Variants in ZFHX3 observed in about 807,000 individuals in gnomAD.
ZFHX3 encodes the protein zinc finger homeobox protein 3.
In ZFHX3, 42 loss-of-function variants were observed where a neutral mutation model predicts 279.1. That is an observed-to-expected ratio of 0.15 (90% CI 0.12 to 0.19). ZFHX3 has a LOEUF of 0.19. ZFHX3 is among the 10% of genes least tolerant of loss of function. ZFHX3 has a pLI of 1.00. For missense variants in ZFHX3, 4,981 were observed against 4,754.0 expected, an observed-to-expected ratio of 1.05 and a Z score of -1.40; for synonymous variants, 2,293 against 1,957.8, an observed-to-expected ratio of 1.17 and a Z score of -4.52.
intron 7 of ZFHX3, among the ~76,000 whole-genome samples, chr16:73,111,181 T>A (rs1301990883): frequency 6.6e-6 from 1 of 152,212 alleles, no homozygotes; most frequent in East Asian, 1.9e-4. Context: ...CCTCAAGTGA[T>A]CTGTCTGCCT....
intron 3 of ZFHX3, among the ~76,000 whole-genome samples, chr16:72,916,418 G>A (rs1808938085): frequency 6.6e-6 from 1 of 152,206 alleles, no homozygotes; most frequent in South Asian, 2.1e-4. Flanking sequence ...GAAAATGCCT[G>A]CAGTAAAATA....
intron 3 of ZFHX3, among the ~76,000 whole-genome samples, chr16:73,337,177 T>A (rs544921481): frequency 1.3e-5 from 2 of 152,220 alleles, no homozygotes; most frequent in Admixed American, 6.5e-5. Flanking sequence ...CCCAGATGCT[T>A]ATCCTTCATG....
At chr16:73,400,576 T>C (rs1447430987) in intron 3 of ZFHX3, 1 of 152,120 alleles carries the variant, frequency 6.6e-6, no homozygotes, top group African/African-American at 2.4e-5. Context: ...TCTATAATAA[T>C]GTGATTCCAA....
intron 6 of ZFHX3, among the ~76,000 whole-genome samples, chr16:73,135,649 C>T (rs114007067): frequency 0.016 from 2,440 of 151,092 alleles, 77 homozygotes; most frequent in African/African-American, 0.055. Context: ...TGCGGATGTT[C>T]GAATCAAATT....
intron 5 of ZFHX3, among the ~76,000 whole-genome samples, chr16:73,189,285 C>T (rs764730044): frequency 4.6e-5 from 7 of 152,174 alleles, no homozygotes; most frequent in Admixed American, 1.3e-4. Flanking sequence ...AAACCCTTTC[C>T]GGGCATGCCA....
chr16:73,727,639 C>G (rs1365961085), intron 1 of ZFHX3, among the ~76,000 whole-genome samples: 3 of 152,142 alleles, frequency 2.0e-5, no homozygotes, highest in African/African-American at 7.2e-5. Flanking sequence ...TCTTCTGATC[C>G]CATCCCATCC....
intron 1 of ZFHX3, among the ~76,000 whole-genome samples, chr16:73,709,425 A>C (rs1324989351): frequency 6.6e-6 from 1 of 152,176 alleles, no homozygotes; most frequent in African/African-American, 2.4e-5. Flanking sequence ...TGGTCTATAT[A>C]GACGACAGAA....
intron 3 of ZFHX3, among the ~76,000 whole-genome samples, chr16:73,407,971 C>T (rs928464718): frequency 3.9e-5 from 6 of 152,062 alleles, no homozygotes; most frequent in Non-Finnish European, 8.8e-5. Flanking sequence ...GGAAGTGCAT[C>T]CACCTTCTCT....
chr16:72,951,166 G>A (rs777606918), intron 2 of ZFHX3, among the ~76,000 whole-genome samples: 12 of 152,126 alleles, frequency 7.9e-5, no homozygotes, highest in Non-Finnish European at 1.3e-4. Context: ...TCTTTCCTGC[G>A]GACATTCTGA....
At chr16:73,056,074 C>T (rs952383916) in intron 1 of ZFHX3, among the ~76,000 whole-genome samples, 1 of 152,200 alleles carries the variant, frequency 6.6e-6, no homozygotes, top group African/African-American at 2.4e-5. Flanking sequence ...GGGAGACACA[C>T]AGACAGAGGA....
chr16:73,860,984 AT>A (rs34828290), intron 1 of ZFHX3, among the ~76,000 whole-genome samples: 2,218 of 140,406 alleles, frequency 0.016, 12 homozygotes, highest in African/African-American at 0.024. Flanking sequence ...TTTTTTGCAG[AT>A]TTTTTTTTTT....
chr16:73,779,807 T>A (rs917116899), intron 1 of ZFHX3, among the ~76,000 whole-genome samples: 15 of 152,124 alleles, frequency 9.9e-5, no homozygotes, highest in African/African-American at 3.6e-4. Context: ...AACCTCCAAC[T>A]CCCAGGATTT....
intron 3 of ZFHX3, among the ~76,000 whole-genome samples, chr16:73,407,104 G>C (rs1394838393): frequency 6.6e-6 from 1 of 152,138 alleles, no homozygotes; most frequent in African/African-American, 2.4e-5. Context: ...GTTACAACTT[G>C]GGAGTGCTAG....
At chr16:73,342,235 G>C (rs2143261353) in intron 3 of ZFHX3, among the ~76,000 whole-genome samples, 2 of 152,282 alleles carry the variant, frequency 1.3e-5, no homozygotes, top group East Asian at 3.9e-4. Context: ...CGGTACAATA[G>C]TTAAGGATGG....
chr16:73,788,084 T>C (rs1959708653), intron 1 of ZFHX3, among the ~76,000 whole-genome samples: 2 of 152,034 alleles, frequency 1.3e-5, no homozygotes, highest in Non-Finnish European at 2.9e-5. Context: ...TCACCACCGC[T>C]AGATCTGAAG....
At chr16:73,616,828 C>T (rs1174918354) in intron 2 of ZFHX3, among the ~76,000 whole-genome samples, 1 of 152,142 alleles carries the variant, frequency 6.6e-6, no homozygotes, top group African/African-American at 2.4e-5. Context: ...ACATTTCTAA[C>T]GTACATTCCT....
intron 3 of ZFHX3, among the ~76,000 whole-genome samples, chr16:73,451,057 C>T (rs918788274): frequency 3.3e-5 from 5 of 152,204 alleles, no homozygotes; most frequent in African/African-American, 1.2e-4. Flanking sequence ...GGGTCATGCT[C>T]TGTGTTCCAC....
At chr16:73,780,029 C>T (rs186453076) in intron 1 of ZFHX3, among the ~76,000 whole-genome samples, 16 of 148,030 alleles carry the variant, frequency 1.1e-4, no homozygotes, top group African/African-American at 4.0e-4. Flanking sequence ...CTTCACCTAG[C>T]GCAGACTATG....
chr16:73,405,553 C>G (rs1221737035), intron 3 of ZFHX3, among the ~76,000 whole-genome samples: 2 of 151,728 alleles, frequency 1.3e-5, no homozygotes, highest in African/African-American at 2.4e-5. Context: ...TAGAGGGAAA[C>G]AGGCCACTGT....
Sources: allele counts gnomAD v4.1 joint callset (sites outside exome capture counted in the v4.1 genomes callset), GRCh38; gene constraint gnomAD v4.1.1; transcripts MANE v1.5; gene names NCBI Gene and HGNC (gene_info 2026-07-23, HGNC 2026-07-21).